The following DOCK7 variants were observed in gnomAD, a reference collection of about 807,000 sequenced individuals.
DOCK7 encodes the protein dedicator of cytokinesis protein 7.
Under a neutral mutation model 271.0 loss-of-function variants are expected in DOCK7, and 138 were observed. That is an observed-to-expected ratio of 0.51 (90% CI 0.44 to 0.59). The LOEUF is 0.59. Among genes scored for constraint, DOCK7 ranks in the 20% least tolerant of loss-of-function variants. The pLI is 0.00. For missense variants in DOCK7, 2,066 were observed against 2,592.4 expected (o/e 0.80, Z 4.41); for synonymous variants, 823 against 876.1 (o/e 0.94, Z 1.07).
At chr1:62,684,379 C>G (rs1290848073) in intron 1 of DOCK7, among the ~76,000 whole-genome samples, 1 of 152,076 alleles carries the variant, frequency 6.6e-6, no homozygotes, top group Non-Finnish European at 1.5e-5. Flanking sequence ...TGCTTATGTT[C>G]CTGACACAGT....
At chr1:62,522,253 T>G (rs188038451) in intron 31 of DOCK7, among the ~76,000 whole-genome samples, 2 of 152,004 alleles carry the variant, frequency 1.3e-5, no homozygotes, top group East Asian at 3.9e-4. Context: ...GAAAAGAATA[T>G]AAGAAAGAAA....
chr1:62,651,985 T>G (rs1325431256), intron 4 of DOCK7, among the ~76,000 whole-genome samples: 1 of 152,176 alleles, frequency 6.6e-6, no homozygotes, highest in African/African-American at 2.4e-5. Context: ...TGCCAGTACC[T>G]AGTCTTCTGG....
At chr1:62,555,382 C>G (rs1350537441) in intron 21 of DOCK7, 1 of 152,552 alleles carries the variant, frequency 6.6e-6, no homozygotes, top group African/African-American at 2.4e-5. Context: ...GTTTAAAAGA[C>G]AGGATCTCAC....
At chr1:62,588,366 C>CA (rs1647879560) in intron 14 of DOCK7, among the ~76,000 whole-genome samples, 1 of 152,160 alleles carries the variant, frequency 6.6e-6, no homozygotes, top group African/African-American at 2.4e-5. Flanking sequence ...ACAAGACAGG[C>CA]ATGCAAAAGC....
At chr1:62,626,957 T>C (rs1654030140) in intron 11 of DOCK7, among the ~76,000 whole-genome samples, 1 of 152,100 alleles carries the variant, frequency 6.6e-6, no homozygotes, top group African/African-American at 2.4e-5. Flanking sequence ...TACAGACTAA[T>C]ATACCTTATG....
chr1:62,576,941 T>C (rs893612677), intron 18 of DOCK7, among the ~76,000 whole-genome samples: 13 of 152,212 alleles, frequency 8.5e-5, no homozygotes, highest in Admixed American at 7.9e-4. Context: ...AAAAGAAATA[T>C]TCATTTATTT....
intron 43 of DOCK7, 31 bp downstream of exon 43, chr1:62,487,367 A>G: frequency 6.3e-7 from 1 of 1,599,998 alleles, no homozygotes; most frequent in Non-Finnish European, 8.6e-7. Flanking sequence ...TCAATCTATT[A>G]GTGTCTTTAA....
chr1:62,653,496 T>G (rs2149692939), intron 4 of DOCK7, among the ~76,000 whole-genome samples: 1 of 152,310 alleles, frequency 6.6e-6, no homozygotes, highest in African/African-American at 2.4e-5. Flanking sequence ...CTTAATGATT[T>G]ATAATAATAC....
chr1:62,618,640 T>C, intron 14 of DOCK7, 66 bp downstream of exon 14: 1 of 1,389,010 alleles, frequency 7.2e-7, no homozygotes, highest in Non-Finnish European at 1.0e-6. Flanking sequence ...TTTATTCTAG[T>C]TATACTTTAA....
rs2149256727 is a variant in DOCK7, at chr1:62,474,107, A to C, written c.6106-19T>G. 1.3e-6 allele frequency: 2 copies of C among 1,594,664 alleles called. No individual in the cohort carries two copies. Among genetic ancestry groups the C allele is most frequent in the Non-Finnish European group, 1.7e-6 (2 of 1,167,768 alleles). On this transcript the variant is annotated intron_variant, in intron 47 of 49. Transcript: ENST00000635253. ...AAGGCCCCTGCAAAATAAGAAAATAAGAAGTGTGTTTTTTTGTTATCTCTA... is the reference window on the plus strand; with the variant it reads ...AAGGCCCCTGCAAAATAAGAAAATACGAAGTGTGTTTTTTTGTTATCTCTA...
At chr1:62,518,210 T>C (rs1644729627) in intron 31 of DOCK7, among the ~76,000 whole-genome samples, 1 of 151,950 alleles carries the variant, frequency 6.6e-6, no homozygotes, top group African/African-American at 2.4e-5. Context: ...CTGAGTCAGG[T>C]AAATCACTTG....
chr1:62,559,277 T>C, intron 19 of DOCK7, 57 bp from the exon 20 acceptor site: 1 of 1,391,458 alleles, frequency 7.2e-7, no homozygotes, highest in Non-Finnish European at 9.9e-7. Flanking sequence ...AATTTCCCAC[T>C]TCTAAAGGAC....
chr1:62,482,249 A>G (rs948729362), intron 43 of DOCK7: 2 of 152,058 alleles, frequency 1.3e-5, no homozygotes, highest in Non-Finnish European at 2.9e-5. Flanking sequence ...CCCTCATTTT[A>G]TAGAGGAGGA....
intron 41 of DOCK7, 138 bp downstream of exon 41, chr1:62,492,566 G>A: frequency 1.9e-6 from 2 of 1,027,828 alleles, no homozygotes; most frequent in Non-Finnish European, 2.9e-6. Flanking sequence ...GAGATTACAG[G>A]CATGAGCCAC....
chr1:62,645,355 G>A (rs866778055), intron 7 of DOCK7, among the ~76,000 whole-genome samples: 1 of 151,762 alleles, frequency 6.6e-6, no homozygotes, highest in Non-Finnish European at 1.5e-5. Flanking sequence ...AAAAAGAAAT[G>A]GTAGTACTGA....
intron 1 of DOCK7, among the ~76,000 whole-genome samples, chr1:62,686,880 A>G (rs929433093): frequency 7.5e-6 from 1 of 133,280 alleles, no homozygotes; most frequent in Non-Finnish European, 1.7e-5. Context: ...GCTGGAAAGA[A>G]AGAAAAAAAA....
chr1:62,593,307 C>T (rs1035147549), intron 14 of DOCK7, among the ~76,000 whole-genome samples: 4 of 152,102 alleles, frequency 2.6e-5, no homozygotes, highest in African/African-American at 9.7e-5. Flanking sequence ...TGGTGGCTCA[C>T]GCTTGTAATC....
intron 1 of DOCK7, among the ~76,000 whole-genome samples, chr1:62,673,697 C>T (rs752015886): frequency 1.7e-4 from 26 of 152,136 alleles, no homozygotes; most frequent in African/African-American, 5.8e-4. Context: ...GTAAAGTATA[C>T]ATAATTAGTT....
intron 31 of DOCK7, among the ~76,000 whole-genome samples, chr1:62,521,276 C>T (rs1301564799): frequency 2.0e-5 from 3 of 151,882 alleles, no homozygotes; most frequent in Non-Finnish European, 4.4e-5. Context: ...AAAAATGTTA[C>T]ATATAAACAG....
Sources: allele counts gnomAD v4.1 joint callset (sites outside exome capture counted in the v4.1 genomes callset), GRCh38; gene constraint gnomAD v4.1.1; transcripts MANE v1.5; gene names NCBI Gene and HGNC (gene_info 2026-07-23, HGNC 2026-07-21).